Variants in PPP2R1B observed in about 807,000 individuals in gnomAD.
PPP2R1B encodes the protein serine/threonine-protein phosphatase 2A 65 kDa regulatory subunit A beta isoform.
A neutral mutation model predicts 72.7 loss-of-function variants in PPP2R1B; 58 were observed. The ratio of observed to expected loss-of-function variants is 0.80; its 90% CI spans 0.65 to 0.99. The LOEUF (loss-of-function observed/expected upper bound fraction) is 0.99, where lower values mean the gene tolerates loss of function less well. PPP2R1B is among the 50% of genes least tolerant of loss of function. PPP2R1B has a pLI of 0.00. For missense variants in PPP2R1B, 695 were observed against 733.6 expected, an observed-to-expected ratio of 0.95 and a Z score of 0.61; for synonymous variants, 256 against 264.6, an observed-to-expected ratio of 0.97 and a Z score of 0.32.
chr11:111,694,334 A>AT, the PPP2R1B span, among the ~76,000 whole-genome samples: 1 of 152,114 alleles, frequency 6.6e-6, no homozygotes, highest in African/African-American at 2.4e-5. Flanking sequence ...ATGCAACTTA[A>AT]TTTTTTGCTG....
chr11:111,720,842 G>A, the PPP2R1B span: 1 of 1,590,888 alleles, frequency 6.3e-7, no homozygotes, highest in Non-Finnish European at 8.6e-7. Flanking sequence ...GTCACCTGTG[G>A]TCACTGAAAG....
rs781891167 is a variant in PPP2R1B, at chr11:111,755,103, G to T, written c.844-9C>A. 20 of 1,595,358 alleles carry T rather than the reference G, an allele frequency of 1.3e-5. No individual in the cohort carries two copies. Among genetic ancestry groups the T allele is most frequent in the Admixed American group, 3.4e-5 (2 of 58,120 alleles). On this transcript the variant is annotated splice_polypyrimidine_tract_variant and intron_variant, in intron 6 of 14. Transcript: ENST00000527614. The stretch of plus-strand genomic sequence containing the variant: ...CCCATGGCTTTCTGGAGCTATAAAA[G>T]AATTTGAACGGGTTTTAATGTATAC...
the PPP2R1B span, chr11:111,703,207 C>T: frequency 1.4e-5 from 23 of 1,613,622 alleles, no homozygotes; most frequent in African/African-American, 8.0e-5. Flanking sequence ...CTATAGATTG[C>T]GAGCACCTTA....
chr11:111,735,183 CTG>C (rs376738532), downstream of PPP2R1B: 10 of 152,432 alleles, frequency 6.6e-5, no homozygotes, highest in African/African-American at 2.2e-4. Flanking sequence ...ACAGGACAGA[CTG>C]TGTGCAGAGA....
chr11:111,721,087 A>G, the PPP2R1B span: 86 of 1,597,800 alleles, frequency 5.4e-5, no homozygotes, highest in East Asian at 1.8e-3. Context: ...CCCTTCCCTC[A>G]ATGGCTCTGT....
chr11:111,721,583 C>T, the PPP2R1B span, among the ~76,000 whole-genome samples: 1 of 152,186 alleles, frequency 6.6e-6, no homozygotes, highest in East Asian at 1.9e-4. Flanking sequence ...AGGCCATAGC[C>T]TCCTGGTGAC....
chr11:111,731,104 G>A (rs1037937403), intron 15 of PPP2R1B, among the ~76,000 whole-genome samples: 3 of 152,262 alleles, frequency 2.0e-5, no homozygotes, highest in African/African-American at 7.2e-5. Context: ...ACCGCAGCCT[G>A]CACAAGGACA....
At chr11:111,733,311 G>A (rs1254119681), downstream of PPP2R1B, among the ~76,000 whole-genome samples, 2 of 152,170 alleles carry the variant, frequency 1.3e-5, no homozygotes, top group African/African-American at 2.4e-5. Context: ...CTGAGCCCCC[G>A]AGCCAGCACA....
chr11:111,722,588 A>T, downstream of PPP2R1B: 1 of 1,339,744 alleles, frequency 7.5e-7, no homozygotes, highest in Non-Finnish European at 1.1e-6. This position sits in a 1 kb window ranked among gnomAD's most constrained non-coding sequence, Gnocchi z 4.4. Context: ...TTCATCCTGC[A>T]GGCAGAAGCA....
the PPP2R1B span, among the ~76,000 whole-genome samples, chr11:111,711,743 C>T: frequency 6.6e-6 from 1 of 152,204 alleles, no homozygotes; most frequent in African/African-American, 2.4e-5. Context: ...GCGGGTAGGG[C>T]AGGCAGAGAC....
At chr11:111,723,738 T>C (rs760117609), downstream of PPP2R1B, 5 of 1,614,122 alleles carry the variant, frequency 3.1e-6, no homozygotes, top group Middle Eastern at 3.3e-4. Context: ...TACCAAGAGA[T>C]GCAGCTTCAG....
downstream of PPP2R1B, chr11:111,722,685 G>A (rs560001607): frequency 1.2e-6 from 2 of 1,614,080 alleles, no homozygotes; most frequent in East Asian, 2.2e-5. This position sits in a 1 kb window ranked among gnomAD's most constrained non-coding sequence, Gnocchi z 4.4. Context: ...TTCTGTCAAA[G>A]GCCCAGAACA....
chr11:111,757,455 C>T (rs549630668), intron 5 of PPP2R1B, among the ~76,000 whole-genome samples: 1 of 152,314 alleles, frequency 6.6e-6, no homozygotes, highest in Admixed American at 6.5e-5. Context: ...AGTGACTACA[C>T]AGATATTTTT....
At chr11:111,722,658 C>G (rs754223244), downstream of PPP2R1B, 3 of 1,612,956 alleles carry the variant, frequency 1.9e-6, no homozygotes, top group Non-Finnish European at 2.5e-6. The surrounding 1 kb of genome is among the most constrained non-coding windows in gnomAD (Gnocchi z 4.4). Context: ...TTTTTCTGCT[C>G]TTCCAGAAGC....
chr11:111,754,578 T>A lies in PPP2R1B; in HGVS notation c.959-9A>T. On this transcript the variant is annotated splice_polypyrimidine_tract_variant and intron_variant, in intron 7 of 14. Coordinates refer to ENST00000527614, the MANE Select transcript of PPP2R1B (RefSeq NM_002716.5). ...CAAGTTCTCACCAAGTTCTAAAAGATAAATAGAAAAAAAGAATGCTTTCAC... is the reference window on the plus strand; with the variant it reads ...CAAGTTCTCACCAAGTTCTAAAAGAAAAATAGAAAAAAAGAATGCTTTCAC... 6.3e-7 allele frequency: 1 copy of A among 1,591,806 alleles called. No individual in the cohort carries two copies. The highest frequency in any genetic ancestry group is 1.9e-5 in the Admixed American group (1 of 52,460).
the PPP2R1B span, among the ~76,000 whole-genome samples, chr11:111,708,271 A>C: frequency 6.6e-6 from 1 of 152,158 alleles, no homozygotes; most frequent in African/African-American, 2.4e-5. Context: ...AATCCCAGCT[A>C]TGCGGGAGGC....
chr11:111,716,459 C>A, the PPP2R1B span, among the ~76,000 whole-genome samples: 1 of 152,088 alleles, frequency 6.6e-6, no homozygotes, highest in Admixed American at 6.5e-5. Context: ...TGCCTGTAAT[C>A]CCAGCTACTG....
At chr11:111,765,942 G>C (rs1945515423) in intron 1 of PPP2R1B, 1 of 535,572 alleles carries the variant, frequency 1.9e-6, no homozygotes, top group Non-Finnish European at 3.6e-6. Flanking sequence ...CAAGAGACGC[G>C]GCCACCTCAC....
chr11:111,758,527 T>C (rs1267314011), intron 5 of PPP2R1B, among the ~76,000 whole-genome samples: 1 of 151,882 alleles, frequency 6.6e-6, no homozygotes, highest in African/African-American at 2.4e-5. Context: ...GAGGCAGAGG[T>C]TGCAGAAAGC....
Sources: allele counts gnomAD v4.1 joint callset (sites outside exome capture counted in the v4.1 genomes callset), GRCh38; gene constraint gnomAD v4.1.1; non-coding constraint Gnocchi (gnomAD v3.1); transcripts MANE v1.5; gene names NCBI Gene and HGNC (gene_info 2026-07-23, HGNC 2026-07-21).